Variants in PTCHD4 observed in about 807,000 individuals in gnomAD.
PTCHD4 encodes the protein patched domain-containing protein 4.
Under a neutral mutation model 58.1 loss-of-function variants are expected in PTCHD4, and 33 were observed. That is an observed-to-expected ratio of 0.57 (90% CI 0.43 to 0.76). The LOEUF is 0.76. Ranked by LOEUF, PTCHD4 falls within the 30% of genes least tolerant of loss-of-function variation. The probability of loss-of-function intolerance (pLI) is 0.00; values close to 1 mark genes in which losing one functional copy is unlikely to be tolerated. For missense variants in PTCHD4, 1,058 were observed against 1,027.1 expected (o/e 1.03, Z -0.41); for synonymous variants, 478 against 409.6 (o/e 1.17, Z -2.02).
chr6:48,070,193 G>A (rs560811407), intron 1 of PTCHD4, among the ~76,000 whole-genome samples: 28 of 152,094 alleles, frequency 1.8e-4, no homozygotes, highest in Non-Finnish European at 3.4e-4. Flanking sequence ...AAACTCTAAA[G>A]TGTGATTGTG....
intron 4 of PTCHD4, among the ~76,000 whole-genome samples, chr6:47,889,429 T>C (rs534321911): frequency 1.9e-3 from 280 of 151,160 alleles, no homozygotes; most frequent in Middle Eastern, 6.8e-3. Context: ...CATTTTTTCA[T>C]GTGTTTTTTG....
At chr6:48,041,729 AT>A (rs1020904658) in intron 3 of PTCHD4, among the ~76,000 whole-genome samples, 1 of 151,764 alleles carries the variant, frequency 6.6e-6, no homozygotes, top group Non-Finnish European at 1.5e-5. Context: ...TTTTTGTTTT[AT>A]TTTTTTAATT....
intron 4 of PTCHD4, among the ~76,000 whole-genome samples, chr6:47,985,459 T>C (rs1290119881): frequency 1.3e-5 from 2 of 152,088 alleles, no homozygotes; most frequent in African/African-American, 4.8e-5. Context: ...GAAAGTCATT[T>C]ATATAGACTT....
intron 3 of PTCHD4, among the ~76,000 whole-genome samples, chr6:48,020,645 G>A (rs1375290977): frequency 1.3e-5 from 2 of 152,042 alleles, no homozygotes; most frequent in African/African-American, 4.8e-5. Context: ...TTTCTTTGAA[G>A]AGTTTATATT....
chr6:48,031,074 C>T lies in PTCHD4; in HGVS notation c.418-21960G>A, dbSNP rs191859729. 1.2e-4 allele frequency among the ~76,000 whole-genome samples: 18 copies of T among 152,202 alleles called. No individual in the cohort carries two copies. The East Asian group carries it at 2.1e-3, about 18-fold the overall frequency. The stretch of plus-strand genomic sequence containing the variant: ...TGCTCAGGGAAACTTAAGTCAGGCT[C>T]CTGAACCTTCTCCTAGGCTAATCTG... On this transcript the variant is annotated intron_variant, in intron 3 of 4. Coordinates refer to ENST00000339488, the MANE Select transcript of PTCHD4 (RefSeq NM_001384253.1).
chr6:47,951,506 A>G (rs993477215), intron 4 of PTCHD4, among the ~76,000 whole-genome samples: 2 of 152,196 alleles, frequency 1.3e-5, no homozygotes, highest in African/African-American at 4.8e-5. Flanking sequence ...AGCCATTTAC[A>G]CACAAGGGAC....
At chr6:47,956,759 T>C (rs1766878325) in intron 4 of PTCHD4, among the ~76,000 whole-genome samples, 1 of 152,194 alleles carries the variant, frequency 6.6e-6, no homozygotes, top group Non-Finnish European at 1.5e-5. Context: ...AAAGCTATTC[T>C]ATGTACTTTT....
At chr6:47,899,618 T>A in intron 4 of PTCHD4, 1 of 962,804 alleles carries the variant, frequency 1.0e-6, no homozygotes, top group Non-Finnish European at 1.2e-6. Context: ...CGTTTGTTTT[T>A]AACAGCTTTA....
At chr6:48,110,786 T>C (rs1275389171) in intron 1 of PTCHD4, among the ~76,000 whole-genome samples, 1 of 139,012 alleles carries the variant, frequency 7.2e-6, no homozygotes, top group Admixed American at 7.2e-5. Flanking sequence ...TTTATATATA[T>C]ATATAAATAT....
intron 3 of PTCHD4, among the ~76,000 whole-genome samples, chr6:48,027,285 G>A (rs955657375): frequency 6.6e-6 from 1 of 151,808 alleles, no homozygotes; most frequent in African/African-American, 2.4e-5. Flanking sequence ...TAACCCAAAT[G>A]TTTTTTTCCA....
chr6:47,929,690 G>A (rs76709919), intron 4 of PTCHD4, among the ~76,000 whole-genome samples: 3,771 of 152,304 alleles, frequency 0.025, 115 homozygotes, highest in African/African-American at 0.069. Flanking sequence ...TGAGAAGCAG[G>A]CTCTTAAATG....
Position 47,874,066 on chromosome 6 carries a change from C to T in PTCHD4, c.*4237G>A, listed in dbSNP as rs1455433823. On this transcript the variant is annotated 3_prime_UTR_variant, in exon 5 of 5. Transcript: ENST00000339488. ...CAATATCTAAATGTCAGTCTCATGGCATTGTATTTTCTGCTTCACCATAAG... is the reference window on the plus strand; with the variant it reads ...CAATATCTAAATGTCAGTCTCATGGTATTGTATTTTCTGCTTCACCATAAG... Among the ~76,000 whole-genome samples, 2 of 151,678 alleles carry T rather than the reference C, an allele frequency of 1.3e-5. No individual in the cohort carries two copies. The highest frequency in any genetic ancestry group is 1.9e-4 in the East Asian group (1 of 5,142).
At chr6:47,938,379 T>C (rs1766090712) in intron 4 of PTCHD4, among the ~76,000 whole-genome samples, 1 of 152,118 alleles carries the variant, frequency 6.6e-6, no homozygotes, top group Non-Finnish European at 1.5e-5. Context: ...ATAGAACACC[T>C]CTAGGCATCA....
At position 47,865,567 on chromosome 6, in the gene PTCHD4, G is replaced by C. The variant is rs1399361055; in HGVS notation, c.*12736C>G. ...TATTGTTGTGTTTTAGACACTCAAA[G>C]TTCTTGGGTGTTCAGGCCATCTTAC... is the stretch of plus-strand genomic sequence containing the variant. On this transcript the variant is annotated 3_prime_UTR_variant, in exon 5 of 5. Transcript: ENST00000339488. 6.6e-6 allele frequency among the ~76,000 whole-genome samples: 1 copy of C among 151,838 alleles called. No individual in the cohort carries two copies. The highest frequency in any genetic ancestry group is 2.4e-5 in the African/African-American group (1 of 41,394).
At position 47,869,000 on chromosome 6, in the gene PTCHD4, T is replaced by C. The variant is rs1288328227; in HGVS notation, c.*9303A>G. On this transcript the variant is annotated 3_prime_UTR_variant, in exon 5 of 5. Transcript: ENST00000339488. Reference sequence around the variant, plus strand: ...AAATATTACTAAGACTTCTTTGGTCTCCTCATCATACGTCAATAATGAGGA... The same window carrying C: ...AAATATTACTAAGACTTCTTTGGTCCCCTCATCATACGTCAATAATGAGGA... Among the ~76,000 whole-genome samples the C allele has an allele frequency of 3.3e-5, 5 of 151,730 alleles. No individual in the cohort carries two copies. Among genetic ancestry groups the C allele is most frequent in the African/African-American group, 1.2e-4 (5 of 41,386 alleles).
chr6:47,885,966 C>T (rs1286801929), intron 4 of PTCHD4, among the ~76,000 whole-genome samples: 1 of 152,100 alleles, frequency 6.6e-6, no homozygotes, highest in African/African-American at 2.4e-5. Context: ...TTACAGGCAC[C>T]TGCCACCACA....
At chr6:48,012,692 A>G (rs908366597) in intron 3 of PTCHD4, among the ~76,000 whole-genome samples, 2 of 152,158 alleles carry the variant, frequency 1.3e-5, no homozygotes, top group African/African-American at 2.4e-5. Flanking sequence ...CCCATTCAGT[A>G]TGATATTGGC....
In PTCHD4 at chr6:48,032,726, G is replaced by A. The variant is rs189547466; in HGVS notation, c.418-23612C>T. On this transcript the variant is annotated intron_variant, in intron 3 of 4. Transcript: ENST00000339488. ...GAATTTTCTGTCAATTTATTTGCAA[G>A]GAAACTTTTTATCTGTGGCATACCA... Among the ~76,000 whole-genome samples the A allele has an allele frequency of 3.4e-4, 52 of 152,140 alleles. 2 individuals are homozygous for A. In the East Asian group the frequency reaches 0.01, roughly 30 times the overall value.
chr6:48,023,584 G>A (rs1426673987), intron 3 of PTCHD4, among the ~76,000 whole-genome samples: 3 of 151,982 alleles, frequency 2.0e-5, no homozygotes, highest in Non-Finnish European at 2.9e-5. Flanking sequence ...TTCTGATATC[G>A]CCTACCTCCT....
Sources: allele counts gnomAD v4.1 joint callset (sites outside exome capture counted in the v4.1 genomes callset), GRCh38; gene constraint gnomAD v4.1.1; transcripts MANE v1.5; gene names NCBI Gene and HGNC (gene_info 2026-07-23, HGNC 2026-07-21).